Variants in CPEB4 observed in about 807,000 individuals in gnomAD.
CPEB4 encodes cytoplasmic polyadenylation element-binding protein 4.
CPEB4 carries 12 observed loss-of-function variants against 72.5 expected under a neutral mutation model. That is an observed-to-expected ratio of 0.17 (90% confidence interval 0.11 to 0.27). The LOEUF is 0.27. Ranked by LOEUF, CPEB4 falls within the 10% of genes least tolerant of loss-of-function variation. The pLI is 1.00. For missense variants in CPEB4, 614 were observed against 908.5 expected (o/e 0.68, Z 4.17); for synonymous variants, 302 against 326.3 (o/e 0.93, Z 0.80).
In CPEB4 at chr5:173,949,679, A is replaced by G. The variant is rs112018559; in HGVS notation, c.1546+82A>G. On this transcript the variant is annotated intron_variant, in intron 6 of 9. Coordinates refer to ENST00000265085, the MANE Select transcript of CPEB4 (RefSeq NM_030627.4). The stretch of plus-strand genomic sequence containing the variant: ...AGCCTTTTCATAAATGTTCACCTTC[A>G]CTGTAAAATGTTGCATTGTTAAACT... 18 of 965,960 alleles carry G rather than the reference A, an allele frequency of 1.9e-5. No homozygotes were observed. The African/African-American group carries it at 2.7e-4, about 14-fold the overall frequency. The allele number at this position is 965,960 out of a possible 1,614,324, so 59.8% of individuals were successfully genotyped here. A position where few individuals can be genotyped will look rare whatever the true frequency, so the allele number is the denominator to read the frequency against.
intron 1 of CPEB4, among the ~76,000 whole-genome samples, chr5:173,906,507 G>A (rs1439292674): frequency 6.6e-6 from 1 of 152,166 alleles, no homozygotes; most frequent in Non-Finnish European, 1.5e-5. Context: ...TAATAAGTTT[G>A]GGTTGTGGGG....
chr5:173,919,036 G>A (rs1001981017), intron 2 of CPEB4, among the ~76,000 whole-genome samples: 16 of 152,160 alleles, frequency 1.1e-4, no homozygotes, highest in African/African-American at 3.4e-4. Flanking sequence ...ACATTTAAAA[G>A]ATTTTTTTAA....
intron 1 of CPEB4, among the ~76,000 whole-genome samples, chr5:173,905,764 T>C (rs531999530): frequency 6.6e-6 from 1 of 152,350 alleles, no homozygotes; most frequent in South Asian, 2.1e-4. Context: ...TTATTTTTGG[T>C]TCCTGCCATA....
At chr5:173,895,249 C>T (rs1028746745) in intron 1 of CPEB4, among the ~76,000 whole-genome samples, 1 of 152,164 alleles carries the variant, frequency 6.6e-6, no homozygotes, top group African/African-American at 2.4e-5. Flanking sequence ...ATTGGGGCAC[C>T]TGCCAATAAT....
In CPEB4 at chr5:173,956,816, C is replaced by G. The variant is rs1561635797; in HGVS notation, c.*679C>G. 6.6e-6 allele frequency: 1 copy of G among 151,028 alleles called. No homozygotes were observed. Among genetic ancestry groups the G allele is most frequent in the Non-Finnish European group, 1.5e-5 (1 of 67,716 alleles). 9.4% of individuals were successfully genotyped at this position (151,028 alleles called of 1,614,324 possible). A position where few individuals can be genotyped will look rare whatever the true frequency, so the allele number is the denominator to read the frequency against. ...ATCCCTCAAAAAGTTACCACCACATCAGAAAAAATAAAAAAAAAATAGTAA... is the reference window on the plus strand; with the variant it reads ...ATCCCTCAAAAAGTTACCACCACATGAGAAAAAATAAAAAAAAAATAGTAA... On this transcript the variant is annotated 3_prime_UTR_variant, in exon 10 of 10. Transcript: ENST00000265085.
chr5:173,953,864 A>G (rs920692774), intron 9 of CPEB4, among the ~76,000 whole-genome samples: 2 of 152,136 alleles, frequency 1.3e-5, no homozygotes, highest in Non-Finnish European at 2.9e-5. Context: ...CCTAGCAGAT[A>G]GAACTGTATC....
chr5:173,938,157 G>A (rs535762426), intron 3 of CPEB4, among the ~76,000 whole-genome samples: 24 of 152,056 alleles, frequency 1.6e-4, no homozygotes, highest in Admixed American at 9.2e-4. Context: ...TTACTAATTT[G>A]GCTAATTTCT....
chr5:173,908,448 A>C (rs1756523540), intron 1 of CPEB4, among the ~76,000 whole-genome samples: 1 of 152,182 alleles, frequency 6.6e-6, no homozygotes, highest in African/African-American at 2.4e-5. Flanking sequence ...CCTGGGGGAA[A>C]ACTTGAAATA....
At position 173,949,954 on chromosome 5, in the gene CPEB4, T is replaced by C. The variant is rs1427040689; in HGVS notation, c.1547-6T>C. 5 of 1,590,168 alleles carry C rather than the reference T, an allele frequency of 3.1e-6. No homozygotes were observed. The highest frequency in any genetic ancestry group is 3.4e-6 in the Non-Finnish European group (4 of 1,161,994). On this transcript the variant is annotated splice_region_variant and splice_polypyrimidine_tract_variant and intron_variant, in intron 6 of 9. Transcript: ENST00000265085. ...CATGTAAGCCTTCTTTCCCCCTTTT[T>C]TCCAGGCTATGCATTCCTGCTGTTT...
At chr5:173,893,791 C>T (rs1037451277) in intron 1 of CPEB4, among the ~76,000 whole-genome samples, 2 of 152,028 alleles carry the variant, frequency 1.3e-5, no homozygotes, top group Non-Finnish European at 1.5e-5. Flanking sequence ...ATGATTTTTA[C>T]GTTTGTTTAC....
rs774714511 is a variant in CPEB4, at chr5:173,890,582, T to C, written c.849T>C (p.Ser283=). The change falls in exon 1 of 10, where the codon TCT becomes TCC. Residue 283 remains serine, a synonymous_variant. Transcript: ENST00000265085. ...HLANNLNKPP[S]PWSSYQSPSP... ...CGAATAATCTTAACAAACCCCCCTC[T>C]CCGTGGAGCAGCTACCAGAGTCCGT... The C allele has an allele frequency of 6.2e-7, 1 of 1,613,930 alleles. No individual in the cohort carries two copies.
intron 1 of CPEB4, among the ~76,000 whole-genome samples, chr5:173,906,747 A>C (rs1270529568): frequency 6.6e-6 from 1 of 152,228 alleles, no homozygotes; most frequent in Non-Finnish European, 1.5e-5. Context: ...AATTAGTATC[A>C]TTACTAAAAA....
rs78040141 is a variant in CPEB4, at chr5:173,932,373, A to G, written c.1208-77A>G. ...ACCTTGCCTATTTGAAAGCAAGTCA[A>G]TTCAGCTCTGTTATTGAATAAGTTT... On this transcript the variant is annotated intron_variant, in intron 2 of 9. Coordinates refer to ENST00000265085, the MANE Select transcript of CPEB4 (RefSeq NM_030627.4). 1,475 of 1,114,024 alleles carry G rather than the reference A, an allele frequency of 1.3e-3. 22 individuals carry two copies. The East Asian group carries it at 0.032, about 24-fold the overall frequency. 69.0% of individuals were successfully genotyped at this position (1,114,024 alleles called of 1,614,324 possible). A position where few individuals can be genotyped will look rare whatever the true frequency, so the allele number is the denominator to read the frequency against.
intron 2 of CPEB4, among the ~76,000 whole-genome samples, chr5:173,916,916 TA>T (rs1756889579): frequency 6.6e-6 from 1 of 152,194 alleles, no homozygotes; most frequent in Non-Finnish European, 1.5e-5. Context: ...TAGTGCTACT[TA>T]AAAATATGTA....
intron 9 of CPEB4, 33 bp downstream of exon 9, chr5:173,953,305 G>A (rs1007053516): frequency 1.4e-6 from 2 of 1,414,734 alleles, no homozygotes; most frequent in African/African-American, 2.8e-5. Flanking sequence ...GAAAATTCTA[G>A]AAATGGTCCT....
intron 1 of CPEB4, among the ~76,000 whole-genome samples, chr5:173,893,899 G>A (rs1755907025): frequency 6.6e-6 from 1 of 152,158 alleles, no homozygotes; most frequent in African/African-American, 2.4e-5. Context: ...TTATTTGGAG[G>A]ATTTTTGTAT....
At chr5:173,912,937 A>AAAG in intron 2 of CPEB4, among the ~76,000 whole-genome samples, 1 of 151,484 alleles carries the variant, frequency 6.6e-6, no homozygotes, top group Admixed American at 6.6e-5. Context: ...AAAAAAAAAA[A>AAAG]AGTATGGAAA....
intron 2 of CPEB4, among the ~76,000 whole-genome samples, chr5:173,919,478 T>A (rs1158990684): frequency 6.6e-6 from 1 of 152,236 alleles, no homozygotes; most frequent in Admixed American, 6.5e-5. Flanking sequence ...ATAGAGTGTA[T>A]TGTGCACCTT....
chr5:173,928,424 G>A (rs1029744798), intron 2 of CPEB4, among the ~76,000 whole-genome samples: 1 of 152,112 alleles, frequency 6.6e-6, no homozygotes, highest in Non-Finnish European at 1.5e-5. Context: ...AGAAATCTCT[G>A]TATCTTCCTC....
Sources: allele counts gnomAD v4.1 joint callset (sites outside exome capture counted in the v4.1 genomes callset), GRCh38; gene constraint gnomAD v4.1.1; transcripts MANE v1.5; gene names NCBI Gene and HGNC (gene_info 2026-07-23, HGNC 2026-07-21).